The following RAB3GAP1 variants were observed in gnomAD, a reference collection of about 807,000 sequenced individuals.
RAB3GAP1 encodes the protein rab3 GTPase-activating protein catalytic subunit.
Under a neutral mutation model 130.7 loss-of-function variants are expected in RAB3GAP1, and 86 were observed. The observed-to-expected ratio is 0.66, with a 90% CI of 0.55 to 0.79. The LOEUF is 0.79. RAB3GAP1 is among the 30% of genes least tolerant of loss of function. The probability of loss-of-function intolerance (pLI) is 0.00; values close to 1 mark genes in which losing one functional copy is unlikely to be tolerated. For missense variants in RAB3GAP1, 1,029 were observed against 1,169.4 expected (o/e 0.88, Z 1.75); for synonymous variants, 367 against 401.7 (o/e 0.91, Z 1.03).
Position 135,115,298 on chromosome 2 carries a change from G to A in RAB3GAP1, c.565G>A (p.Asp189Asn). 2 of 1,613,506 alleles carry A rather than the reference G, an allele frequency of 1.2e-6. No homozygotes were observed. The highest frequency in any genetic ancestry group is 1.7e-6 in the Non-Finnish European group (2 of 1,179,484). ...ATGTCAAGGTCCTGGTGTACGAACTGATTTCGAAATGGTTCATCTTAGAAA... is the reference window on the plus strand; with the variant it reads ...ATGTCAAGGTCCTGGTGTACGAACTAATTTCGAAATGGTTCATCTTAGAAA... ...GECQGPGVRT[D>N]FEMVHLRKVP... Residue 189 changes from aspartate to asparagine, a missense_variant, in exon 7 of 24, where the codon GAT becomes AAT. By Grantham distance (23) the Asp-to-Asn change is conservative. This residue lies in a region of RAB3GAP1 where 510 missense variants were observed against 532.1 expected (regional missense o/e 0.96). Transcript: ENST00000264158.
At position 135,157,109 on chromosome 2, in the gene RAB3GAP1, G is replaced by A. The variant is rs116659401; in HGVS notation, c.2289+3233G>A. Among the ~76,000 whole-genome samples, 677 of 152,196 alleles carry A rather than the reference G, an allele frequency of 4.4e-3. 4 individuals carry two copies. The highest frequency in any genetic ancestry group is 0.016 in the African/African-American group (649 of 41,512). ...AGAAAGATAGCCCTCAAACTCCTAG[G>A]CTCAAGTGATTCTCCTGGCCCAGTT... On this transcript the variant is annotated intron_variant, in intron 19 of 23. Transcript: ENST00000264158.
At position 135,170,314 on chromosome 2, in the gene RAB3GAP1, C is replaced by T. The variant is rs1261479459; in HGVS notation, c.*1533C>T. On this transcript the variant is annotated 3_prime_UTR_variant, in exon 24 of 24. Transcript: ENST00000264158. ...TGTGGCGTTTTCTTTCATTTTCTCC[C>T]GCTGAGGCATTTCAGTCTAATTTCA... 2 of 152,156 alleles carry T rather than the reference C, an allele frequency of 1.3e-5. No individual in the cohort carries two copies. The highest frequency in any genetic ancestry group is 1.3e-4 in the Admixed American group (2 of 15,270). 9.4% of individuals were successfully genotyped at this position (152,156 alleles called of 1,614,324 possible). A position where few individuals can be genotyped will look rare whatever the true frequency, so the allele number is the denominator to read the frequency against.
downstream of RAB3GAP1, among the ~76,000 whole-genome samples, chr2:135,174,388 A>G (rs1692946573): frequency 6.6e-6 from 1 of 152,154 alleles, no homozygotes; most frequent in Non-Finnish European, 1.5e-5. Context: ...CCAAAATGGG[A>G]TGGTGTCCCA....
intron 11 of RAB3GAP1, 99 bp from the exon 12 acceptor site, chr2:135,129,896 C>T (rs1691480161): frequency 1.3e-6 from 1 of 798,534 alleles, no homozygotes; most frequent in South Asian, 1.6e-5. Context: ...TCTACCATAT[C>T]TTAGTTAATA....
chr2:135,136,182 T>C (rs1000402700), intron 17 of RAB3GAP1, among the ~76,000 whole-genome samples: 3 of 152,086 alleles, frequency 2.0e-5, no homozygotes, highest in African/African-American at 4.8e-5. Flanking sequence ...AAAAATTAGC[T>C]GGGCACAGTG....
intron 7 of RAB3GAP1, among the ~76,000 whole-genome samples, chr2:135,117,690 TCTTCTGCTTCTTCTG>T (rs1691055535): frequency 7.4e-6 from 1 of 134,646 alleles, no homozygotes; most frequent in Admixed American, 7.3e-5. Flanking sequence ...TTCTGCTTCT[TCTTCTGCTTCTTCTG>T]CTTCTGCTTC....
At chr2:135,118,589 G>A (rs1264073202) in intron 7 of RAB3GAP1, among the ~76,000 whole-genome samples, 1 of 152,082 alleles carries the variant, frequency 6.6e-6, no homozygotes, top group Admixed American at 6.5e-5. Context: ...GGGAAATTTA[G>A]TTTGTAGGCT....
At chr2:135,081,510 C>T (rs1381244751) in intron 3 of RAB3GAP1, among the ~76,000 whole-genome samples, 1 of 150,280 alleles carries the variant, frequency 6.7e-6, no homozygotes, top group East Asian at 2.0e-4. Context: ...AGTGTTCTTC[C>T]ACACTTTTGC....
intron 7 of RAB3GAP1, among the ~76,000 whole-genome samples, chr2:135,117,456 G>GCTT (rs1691010625): frequency 2.9e-4 from 12 of 41,922 alleles, no homozygotes; most frequent in Admixed American, 9.4e-4. Flanking sequence ...TTCTTCTTCT[G>GCTT]CTTCTGCTTC....
intron 11 of RAB3GAP1, among the ~76,000 whole-genome samples, chr2:135,128,007 T>A (rs1284341833): frequency 6.6e-6 from 1 of 152,188 alleles, no homozygotes; most frequent in African/African-American, 2.4e-5. Flanking sequence ...ACCTTAACTC[T>A]CTATCACTTG....
intron 19 of RAB3GAP1, among the ~76,000 whole-genome samples, chr2:135,157,862 T>G (rs1033112733): frequency 6.6e-6 from 1 of 151,788 alleles, no homozygotes; most frequent in African/African-American, 2.4e-5. Context: ...AAAACAATCT[T>G]GAACCCTATT....
chr2:135,153,682 G>C lies in RAB3GAP1; in HGVS notation c.2095G>C (p.Val699Leu). The C allele has an allele frequency of 6.2e-7, 1 of 1,613,954 alleles. No homozygotes were observed. The highest frequency in any genetic ancestry group is 2.2e-5 in the East Asian group (1 of 44,866). Reference sequence around the variant, plus strand: ...TCCAGGTTGCTCCCTGGAAGATTTTGTGAGGTGGTATTCACCCCGGGATTA... The same window carrying C: ...TCCAGGTTGCTCCCTGGAAGATTTTCTGAGGTGGTATTCACCCCGGGATTA... Reference protein sequence around the residue: ...ANPGCSLEDFVRWYSPRDYIE... With the variant: ...ANPGCSLEDFLRWYSPRDYIE... The change falls in exon 19 of 24, where the codon GTG (valine) becomes CTG (leucine). Residue 699 changes from valine to leucine, a missense_variant. By Grantham distance (32) the Val-to-Leu change is conservative. Coordinates refer to ENST00000264158, the MANE Select transcript of RAB3GAP1 (RefSeq NM_012233.3).
chr2:135,083,787 T>TC, intron 3 of RAB3GAP1, among the ~76,000 whole-genome samples: 1 of 150,544 alleles, frequency 6.6e-6, no homozygotes, highest in Non-Finnish European at 1.5e-5. Context: ...TTTTTTTTTT[T>TC]TTTTAATTAT....
chr2:135,091,776 T>C (rs2104876657), intron 4 of RAB3GAP1, among the ~76,000 whole-genome samples: 1 of 152,298 alleles, frequency 6.6e-6, no homozygotes, highest in Non-Finnish European at 1.5e-5. Flanking sequence ...AGGTACTCAA[T>C]AAATGGTGTC....
chr2:135,128,406 A>T (rs559057825), intron 11 of RAB3GAP1, among the ~76,000 whole-genome samples: 1 of 152,314 alleles, frequency 6.6e-6, no homozygotes, highest in South Asian at 2.1e-4. Flanking sequence ...ATCAAATGAG[A>T]TTATGTACCT....
At chr2:135,154,162 A>G (rs1573604247) in intron 19 of RAB3GAP1, among the ~76,000 whole-genome samples, 1 of 152,256 alleles carries the variant, frequency 6.6e-6, no homozygotes, top group African/African-American at 2.4e-5. Context: ...TAGCAGTTCT[A>G]TCACCAAAAC....
downstream of RAB3GAP1, among the ~76,000 whole-genome samples, chr2:135,174,787 G>A (rs1053369769): frequency 2.0e-5 from 3 of 152,308 alleles, no homozygotes; most frequent in African/African-American, 4.8e-5. Context: ...TTTCCCAAAC[G>A]TCCTCAACTA....
chr2:135,117,468 G>GCTTCTTCTTCTTCTTCTT (rs1558784128), intron 7 of RAB3GAP1, among the ~76,000 whole-genome samples: 1 of 30,718 alleles, frequency 3.3e-5, no homozygotes, highest in East Asian at 8.2e-4. Flanking sequence ...TTCTGCTTCT[G>GCTTCTTCTTCTTCTTCTT]CTTCTGCTTC....
intron 23 of RAB3GAP1, among the ~76,000 whole-genome samples, 183 bp downstream of exon 23, chr2:135,164,879 A>G (rs1192679562): frequency 6.6e-6 from 1 of 152,208 alleles, no homozygotes; most frequent in East Asian, 1.9e-4. Flanking sequence ...GATTTCTTAC[A>G]TGTTGAATTA....
Sources: gnomAD v4.1 joint callset for allele counts (sites outside exome capture counted in the v4.1 genomes callset) on GRCh38, gnomAD v4.1.1 for gene constraint, gnomAD v4.1.1 regional missense constraint, MANE v1.5 for transcripts, NCBI Gene and HGNC (gene_info 2026-07-23, HGNC 2026-07-21) for gene names.